The following REPS2 variants were observed in gnomAD, a reference collection of about 807,000 sequenced individuals.
The protein encoded by REPS2 is ralBP1-associated Eps domain-containing protein 2.
A neutral mutation model predicts 53.6 loss-of-function variants in REPS2; 23 were observed. That is an observed-to-expected ratio of 0.43 (90% CI 0.31 to 0.61). The LOEUF (loss-of-function observed/expected upper bound fraction) is 0.61, where lower values mean the gene tolerates loss of function less well. Among genes scored for constraint, REPS2 ranks in the 20% least tolerant of loss-of-function variants. REPS2 has a pLI of 0.11. For synonymous variants in REPS2, 238 were observed against 218.6 expected (o/e 1.09, Z -0.78); for missense variants, 446 against 534.9 (o/e 0.83, Z 1.64).
At chrX:16,947,818 TC>T (rs1297267886) in intron 1 of REPS2, among the ~76,000 whole-genome samples, 1 of 111,872 alleles carries the variant, frequency 8.9e-6, no homozygotes, top group East Asian at 2.8e-4. Flanking sequence ...AGCTGTAGTT[TC>T]CCATCTATCA....
At chrX:17,131,666 G>A (rs1336254699) in intron 14 of REPS2, among the ~76,000 whole-genome samples, 2 of 111,795 alleles carry the variant, frequency 1.8e-5, no homozygotes, top group African/African-American at 6.5e-5. Flanking sequence ...CACACCTGAA[G>A]GCAGAAGACT....
chrX:17,002,087 A>G (rs140279648), intron 1 of REPS2, among the ~76,000 whole-genome samples: 2,013 of 111,287 alleles, frequency 0.018, 31 homozygotes, highest in Non-Finnish European at 0.026. Flanking sequence ...TGTGGTGATG[A>G]TGGTGCGGTG....
Position 17,008,410 on chromosome X carries a change from G to T in REPS2, c.397+2066G>T, listed in dbSNP as rs780083279. ...CCAGATTGACAGTTTAATTTCCTGA[G>T]GGCAGGGAGCAGGATTGTTGAAGTT... On this transcript the variant is annotated intron_variant, in intron 2 of 17. Transcript: ENST00000357277. Among the ~76,000 whole-genome samples the T allele has an allele frequency of 2.6e-4, 29 of 111,964 alleles. 2 individuals carry two copies. Among genetic ancestry groups the T allele is most frequent in the Admixed American group, 2.6e-3 (27 of 10,554 alleles).
intron 17 of REPS2, among the ~76,000 whole-genome samples, chrX:17,139,481 C>T (rs1009603992): frequency 9.0e-6 from 1 of 110,917 alleles, no homozygotes; most frequent in African/African-American, 3.3e-5. Context: ...ATTTCACCTT[C>T]TCAATGACAT....
chrX:17,080,802 C>A (rs1360135637), intron 13 of REPS2, among the ~76,000 whole-genome samples: 1 of 112,210 alleles, frequency 8.9e-6, no homozygotes, highest in African/African-American at 3.2e-5. Context: ...TATGATTTGC[C>A]TGCTCAGAAG....
At chrX:17,038,676 C>G (rs1044503135) in intron 5 of REPS2, among the ~76,000 whole-genome samples, 3 of 112,315 alleles carry the variant, frequency 2.7e-5, no homozygotes, top group African/African-American at 6.5e-5. Flanking sequence ...AGCTAGCCAG[C>G]TTGTGCAGTG....
intron 14 of REPS2, among the ~76,000 whole-genome samples, chrX:17,131,936 G>A (rs1292300676): frequency 9.4e-6 from 1 of 106,338 alleles, no homozygotes; most frequent in Non-Finnish European, 1.9e-5. Context: ...ACTGTGTCCA[G>A]GTTTATTAAA....
intron 13 of REPS2, among the ~76,000 whole-genome samples, chrX:17,077,615 C>T (rs1297820325): frequency 8.9e-6 from 1 of 112,262 alleles, no homozygotes; most frequent in Non-Finnish European, 1.9e-5. Flanking sequence ...CTTGCCCACA[C>T]TTGTTATGGA....
chrX:17,155,558 G>T (rs148837411), downstream of REPS2, among the ~76,000 whole-genome samples: 10 of 111,739 alleles, frequency 8.9e-5, no homozygotes, highest in East Asian at 2.8e-3. Flanking sequence ...GCATGAGAAG[G>T]CATAAACCAC....
At chrX:16,985,243 G>A (rs2061077470) in intron 1 of REPS2, among the ~76,000 whole-genome samples, 1 of 112,089 alleles carries the variant, frequency 8.9e-6, no homozygotes, top group Admixed American at 9.5e-5. Context: ...AATAAAAGTA[G>A]GGTCCTGGCT....
chrX:16,977,480 C>T (rs960248403), intron 1 of REPS2, among the ~76,000 whole-genome samples: 6 of 110,189 alleles, frequency 5.4e-5, no homozygotes, highest in African/African-American at 1.7e-4. Flanking sequence ...TTTGGGAGGC[C>T]AAGGCAGGAG....
Position 16,946,990 on chromosome X carries a change from G to T in REPS2, c.129G>T (p.Ala43=), listed in dbSNP as rs1184395684. ...GEQQCYSELF[A]RCAGAAGGGP... ...AGCAGTGCTACTCCGAGCTCTTCGCGCGCTGTGCCGGCGCCGCGGGCGGGG... is the reference window on the plus strand; with the variant it reads ...AGCAGTGCTACTCCGAGCTCTTCGCTCGCTGTGCCGGCGCCGCGGGCGGGG... The change falls in exon 1 of 18, where the codon GCG becomes GCT. Residue 43 remains alanine (A), a synonymous_variant. Transcript: ENST00000357277. 3.2e-6 allele frequency: 3 copies of T among 926,075 alleles called. No individual in the cohort carries two copies. The Admixed American group carries it at 1.8e-4, about 54-fold the overall frequency. The allele number at this position is 926,075 out of a possible 1,213,427, so 76.3% of individuals were successfully genotyped here.
intron 17 of REPS2, among the ~76,000 whole-genome samples, chrX:17,145,988 A>G (rs1246411793): frequency 1.8e-5 from 2 of 108,864 alleles, no homozygotes; most frequent in Non-Finnish European, 1.9e-5. Flanking sequence ...GGGCGCCTGT[A>G]GTCCCAGCTA....
chrX:17,137,028 C>A lies in REPS2; in HGVS notation c.1808+1622C>A, dbSNP rs918037501. 6 of 112,244 alleles carry A rather than the reference C, an allele frequency of 5.3e-5. No individual in the cohort carries two copies. The Admixed American group carries it at 5.6e-4, about 11-fold the overall frequency. The allele number at this position is 112,244 out of a possible 1,213,427, so 9.3% of individuals were successfully genotyped here. A position where few individuals can be genotyped will look rare whatever the true frequency, so the allele number is the denominator to read the frequency against. On this transcript the variant is annotated intron_variant, in intron 16 of 17. Coordinates refer to ENST00000357277, the MANE Select transcript of REPS2 (RefSeq NM_004726.3). ...TATGGATAGACCACATTTTATTCAT[C>A]CATTCATCAGTCAATGGACATTTTG...
intron 9 of REPS2, among the ~76,000 whole-genome samples, chrX:17,063,177 T>C (rs2062180010): frequency 8.9e-6 from 1 of 111,853 alleles, no homozygotes; most frequent in South Asian, 3.8e-4. Context: ...CCATTGTCAT[T>C]ATCATCATCA....
At chrX:17,027,364 C>G (rs2061657952) in intron 4 of REPS2, among the ~76,000 whole-genome samples, 1 of 112,229 alleles carries the variant, frequency 8.9e-6, no homozygotes, top group South Asian at 3.7e-4. Flanking sequence ...TGAAATTTAT[C>G]TGTATTGTTG....
chrX:17,188,831 C>T, the REPS2 span, among the ~76,000 whole-genome samples: 1 of 111,973 alleles, frequency 8.9e-6, no homozygotes, highest in Non-Finnish European at 1.9e-5. Flanking sequence ...GGATTGTCAT[C>T]AGGGATATGT....
At chrX:16,947,157 C>T in intron 1 of REPS2, 23 bp downstream of exon 1, 1 of 1,037,850 alleles carries the variant, frequency 9.6e-7, no homozygotes, top group African/African-American at 2.0e-5. Context: ...GCCTCCTGTC[C>T]CTGCGGGTCT....
intron 8 of REPS2, among the ~76,000 whole-genome samples, chrX:17,057,916 G>A (rs5969762): frequency 0.37 from 40,494 of 110,855 alleles, 5,869 homozygotes; most frequent in East Asian, 0.82. Flanking sequence ...AGCTGGCAAA[G>A]GGCCAAGTTC....
Sources: gnomAD v4.1 joint callset for allele counts (sites outside exome capture counted in the v4.1 genomes callset) on GRCh38, gnomAD v4.1.1 for gene constraint, MANE v1.5 for transcripts, NCBI Gene and HGNC (gene_info 2026-07-23, HGNC 2026-07-21) for gene names.